Variants in AGPS observed in about 807,000 individuals in gnomAD.
AGPS encodes alkylglycerone phosphate synthase.
AGPS carries 26 observed loss-of-function variants against 90.7 expected under a neutral mutation model. That is an observed-to-expected ratio of 0.29 (90% CI 0.21 to 0.40). The LOEUF (loss-of-function observed/expected upper bound fraction) is 0.40, where lower values mean the gene tolerates loss of function less well. Ranked by LOEUF, AGPS falls within the 10% of genes least tolerant of loss-of-function variation. The pLI is 1.00. For synonymous variants in AGPS, 294 were observed against 285.3 expected, an observed-to-expected ratio of 1.03 and a Z score of -0.31; for missense variants, 540 against 816.1, an observed-to-expected ratio of 0.66 and a Z score of 4.12.
chr2:177,505,326 T>C (rs187619669), intron 14 of AGPS, among the ~76,000 whole-genome samples, 180 bp from the exon 15 acceptor site: 1 of 152,140 alleles, frequency 6.6e-6, no homozygotes, highest in East Asian at 1.9e-4. Flanking sequence ...TAGAAGTAGT[T>C]GAGTTTATGA....
Position 177,513,912 on chromosome 2 carries a change from A to G in AGPS, c.1697+4A>G. On this transcript the variant is annotated splice_donor_region_variant and intron_variant, in intron 17 of 19. Transcript: ENST00000264167. The stretch of plus-strand genomic sequence containing the variant: ...TTGCTCCTTTTTCTACATGCAGGTA[A>G]GTTTTAAAAATTGTTCTTATACTTC... The G allele has an allele frequency of 1.9e-6, 3 of 1,605,876 alleles. No individual in the cohort carries two copies. The highest frequency in any genetic ancestry group is 2.6e-6 in the Non-Finnish European group (3 of 1,172,678).
intron 19 of AGPS, among the ~76,000 whole-genome samples, chr2:177,525,240 A>C (rs2079073055): frequency 6.6e-6 from 1 of 152,140 alleles, no homozygotes; most frequent in South Asian, 2.1e-4. Context: ...AGATTTTAGC[A>C]CCTTCCTGTA....
At chr2:177,472,104 G>A (rs1687640479) in intron 10 of AGPS, among the ~76,000 whole-genome samples, 1 of 150,940 alleles carries the variant, frequency 6.6e-6, no homozygotes, top group South Asian at 2.1e-4. Flanking sequence ...GGATAGTAGT[G>A]TTAAATATTA....
intron 18 of AGPS, 49 bp from the exon 19 acceptor site, chr2:177,523,699 A>G (rs1183004772): frequency 1.3e-6 from 2 of 1,556,336 alleles, no homozygotes; most frequent in African/African-American, 2.7e-5. Flanking sequence ...CTTTCACTGC[A>G]AAATGAAATC....
chr2:177,513,045 A>G (rs1161620716), intron 16 of AGPS, among the ~76,000 whole-genome samples: 3 of 151,548 alleles, frequency 2.0e-5, no homozygotes, highest in East Asian at 1.9e-4. Flanking sequence ...AGGTCTCACT[A>G]TATTGCCCAG....
At chr2:177,440,498 T>C (rs904024978) in intron 5 of AGPS, among the ~76,000 whole-genome samples, 1 of 152,114 alleles carries the variant, frequency 6.6e-6, no homozygotes, top group Non-Finnish European at 1.5e-5. Flanking sequence ...AAAACTGTCA[T>C]GGTCATGAAA....
chr2:177,520,445 G>C (rs541432620), intron 17 of AGPS, among the ~76,000 whole-genome samples: 1 of 152,122 alleles, frequency 6.6e-6, no homozygotes, highest in African/African-American at 2.4e-5. Context: ...CAGCAGTGAC[G>C]GAGCCAATGA....
intron 14 of AGPS, 66 bp from the exon 15 acceptor site, chr2:177,505,440 T>C: frequency 7.3e-7 from 1 of 1,367,822 alleles, no homozygotes. Flanking sequence ...TGACAGCTTT[T>C]TGATACATTT....
chr2:177,494,798 C>T (rs1318719836), intron 12 of AGPS, among the ~76,000 whole-genome samples: 1 of 152,174 alleles, frequency 6.6e-6, no homozygotes, highest in African/African-American at 2.4e-5. Flanking sequence ...TTTTGAAATA[C>T]AGATCTGATC....
At chr2:177,509,720 C>CT (rs1157618658) in intron 16 of AGPS, among the ~76,000 whole-genome samples, 12 of 149,710 alleles carry the variant, frequency 8.0e-5, no homozygotes, top group East Asian at 3.9e-4. Context: ...TCTCAAAGAT[C>CT]TTTTTTTTAG....
intron 9 of AGPS, among the ~76,000 whole-genome samples, chr2:177,467,255 G>T (rs1687481445): frequency 6.6e-6 from 1 of 152,164 alleles, no homozygotes; most frequent in Non-Finnish European, 1.5e-5. Flanking sequence ...ATATTAACAT[G>T]TAAATGAACA....
chr2:177,442,767 A>C (rs1396759150), intron 7 of AGPS, among the ~76,000 whole-genome samples: 2 of 150,520 alleles, frequency 1.3e-5, no homozygotes, highest in Non-Finnish European at 2.9e-5. Context: ...GACTCGCTTG[A>C]ACCCAGGAGG....
At chr2:177,445,475 T>C (rs1412827664) in intron 7 of AGPS, 71 bp from the exon 8 acceptor site, 2 of 1,323,994 alleles carry the variant, frequency 1.5e-6, no homozygotes, top group East Asian at 4.7e-5. Context: ...TGCTTTGAAT[T>C]AGGAAGTTAT....
chr2:177,416,077 A>G (rs911829036), intron 1 of AGPS, among the ~76,000 whole-genome samples: 7 of 152,172 alleles, frequency 4.6e-5, no homozygotes, highest in Admixed American at 3.9e-4. Context: ...AAATATTATG[A>G]CTATTATGAT....
At chr2:177,499,806 G>T (rs953576118) in intron 14 of AGPS, 76 bp downstream of exon 14, 1 of 964,056 alleles carries the variant, frequency 1.0e-6, no homozygotes, top group Non-Finnish European at 1.7e-6. Context: ...AATTATTAAA[G>T]TACTAGGCAT....
intron 1 of AGPS, among the ~76,000 whole-genome samples, chr2:177,412,209 A>G (rs1170982789): frequency 6.6e-6 from 1 of 152,174 alleles, no homozygotes; most frequent in East Asian, 1.9e-4. Context: ...TTCAGAGGTA[A>G]GGAGAATTTT....
At chr2:177,448,863 A>C (rs1686853836) in intron 8 of AGPS, among the ~76,000 whole-genome samples, 1 of 152,120 alleles carries the variant, frequency 6.6e-6, no homozygotes, top group Admixed American at 6.5e-5. Flanking sequence ...GCAACCCCCC[A>C]GGAATCACTG....
At position 177,540,655 on chromosome 2, in the gene AGPS, C is replaced by A. The variant is rs367545628; in HGVS notation, c.*2460C>A. On this transcript the variant is annotated 3_prime_UTR_variant, in exon 20 of 20. Coordinates refer to ENST00000264167, the MANE Select transcript of AGPS (RefSeq NM_003659.4). ...ACACTGTTTACATGACACTTCTTAA[C>A]TCATTTTTAATGTTTATTTTTAATT... The A allele has an allele frequency of 2.0e-5, 3 of 152,076 alleles. No individual in the cohort carries two copies. The highest frequency in any genetic ancestry group is 7.2e-5 in the African/African-American group (3 of 41,430). 9.4% of individuals were successfully genotyped at this position (152,076 alleles called of 1,614,324 possible).
At chr2:177,457,600 C>A (rs186190401) in intron 8 of AGPS, among the ~76,000 whole-genome samples, 1 of 152,248 alleles carries the variant, frequency 6.6e-6, no homozygotes, top group East Asian at 1.9e-4. Context: ...GGATAAATTC[C>A]TGGACACATA....
Sources: gnomAD v4.1 joint callset for allele counts (sites outside exome capture counted in the v4.1 genomes callset) on GRCh38, gnomAD v4.1.1 for gene constraint, MANE v1.5 for transcripts, NCBI Gene and HGNC (gene_info 2026-07-23, HGNC 2026-07-21) for gene names.